CREB5: variants seen among roughly 807,000 people sequenced by gnomAD.
The protein encoded by CREB5 is cAMP responsive element binding protein 5.
A neutral mutation model predicts 57.1 loss-of-function variants in CREB5; 19 were observed. That is an observed-to-expected ratio of 0.33 (90% CI 0.23 to 0.49). The LOEUF (loss-of-function observed/expected upper bound fraction) is 0.49, where lower values mean the gene tolerates loss of function less well. Ranked by LOEUF, CREB5 falls within the 20% of genes least tolerant of loss-of-function variation. CREB5 has a pLI of 0.99. For missense variants in CREB5, 579 were observed against 671.6 expected, an observed-to-expected ratio of 0.86 and a Z score of 1.52; for synonymous variants, 238 against 238.3, an observed-to-expected ratio of 1.00 and a Z score of 0.01.
intron 5 of CREB5, among the ~76,000 whole-genome samples, chr7:28,651,338 G>C (rs1374700085): frequency 1.3e-5 from 2 of 152,202 alleles, no homozygotes; most frequent in Non-Finnish European, 2.9e-5. Context: ...CAAATGGAGA[G>C]AAAGCATTTC....
chr7:28,692,013 C>CAAAA (rs10660459), intron 5 of CREB5, among the ~76,000 whole-genome samples: 102 of 102,834 alleles, frequency 9.9e-4, no homozygotes, highest in African/African-American at 1.5e-3. Flanking sequence ...TACTAAAATA[C>CAAAA]AAAAAAAAAA....
intron 7 of CREB5, among the ~76,000 whole-genome samples, chr7:28,727,276 TG>T (rs1002193045): frequency 6.6e-6 from 1 of 152,116 alleles, no homozygotes; most frequent in African/African-American, 2.4e-5. Flanking sequence ...GGATTCCTTT[TG>T]GGGGTCAGAG....
chr7:28,641,193 G>A (rs1275439036), intron 5 of CREB5, among the ~76,000 whole-genome samples: 2 of 152,100 alleles, frequency 1.3e-5, no homozygotes, highest in Non-Finnish European at 2.9e-5. Flanking sequence ...ATTTGGCCCA[G>A]GTGATTCTCC....
chr7:28,428,419 A>G (rs534011438), intron 1 of CREB5, among the ~76,000 whole-genome samples: 2 of 152,292 alleles, frequency 1.3e-5, no homozygotes, highest in Admixed American at 1.3e-4. Context: ...TGGAAGACCC[A>G]TGAGGAGGCA....
intron 4 of CREB5, among the ~76,000 whole-genome samples, chr7:28,521,261 C>T (rs1254756604): frequency 6.6e-6 from 1 of 152,136 alleles, no homozygotes; most frequent in Non-Finnish European, 1.5e-5. Context: ...TTTCGGAAGG[C>T]CGTGGATTGG....
At chr7:28,725,196 A>G (rs895217767) in intron 7 of CREB5, among the ~76,000 whole-genome samples, 1 of 152,228 alleles carries the variant, frequency 6.6e-6, no homozygotes, top group African/African-American at 2.4e-5. Context: ...GACTGGCAGC[A>G]TTAGAGACTG....
At chr7:28,559,420 T>C (rs772350697) in intron 4 of CREB5, among the ~76,000 whole-genome samples, 4 of 152,206 alleles carry the variant, frequency 2.6e-5, no homozygotes, top group Non-Finnish European at 5.9e-5. Flanking sequence ...GTTTAAGCGA[T>C]TCTCCTGCCT....
At chr7:28,624,462 G>A (rs1336738516) in intron 5 of CREB5, among the ~76,000 whole-genome samples, 1 of 152,100 alleles carries the variant, frequency 6.6e-6, no homozygotes, top group East Asian at 1.9e-4. Context: ...GAAATCCCAA[G>A]TTTGTTTGCA....
At chr7:28,793,889 T>G (rs543813161) in intron 7 of CREB5, among the ~76,000 whole-genome samples, 1 of 152,230 alleles carries the variant, frequency 6.6e-6, no homozygotes, top group African/African-American at 2.4e-5. Context: ...TTTGGGGATG[T>G]GTAGCATTGA....
At chr7:28,544,457 A>G (rs1380668267) in intron 4 of CREB5, among the ~76,000 whole-genome samples, 1 of 152,198 alleles carries the variant, frequency 6.6e-6, no homozygotes, top group Non-Finnish European at 1.5e-5. Flanking sequence ...ATTTCCTAGT[A>G]TGCACATCTT....
At chr7:28,360,902 G>T (rs1055802523) in intron 1 of CREB5, among the ~76,000 whole-genome samples, 5 of 152,042 alleles carry the variant, frequency 3.3e-5, no homozygotes, top group African/African-American at 4.8e-5. Context: ...GGGAAGCTTT[G>T]TTTGACCCCA....
rs1809872230 is a variant in CREB5, at chr7:28,823,053, TG to T, written c.*3775del. 6.6e-6 allele frequency: 1 copy of T among 152,624 alleles called. No individual in the cohort carries two copies. The highest frequency in any genetic ancestry group is 1.5e-5 in the Non-Finnish European group (1 of 68,038). The allele number at this position is 152,624 out of a possible 1,614,324, so 9.5% of individuals were successfully genotyped here. ...CTGATAGAAGGACGTCGACGGTGAA[TG>T]TTCTGGTGGTTGTTGCCTGTTAAGT... is the stretch of plus-strand genomic sequence containing the variant. On this transcript the variant is annotated 3_prime_UTR_variant, in exon 11 of 11. Transcript: ENST00000357727.
At chr7:28,567,803 A>C (rs1795542026) in intron 4 of CREB5, among the ~76,000 whole-genome samples, 1 of 152,200 alleles carries the variant, frequency 6.6e-6, no homozygotes, top group Non-Finnish European at 1.5e-5. Flanking sequence ...AATGAATCAC[A>C]TAGAGCAAGA....
chr7:28,738,795 C>A (rs1443172088), intron 7 of CREB5, among the ~76,000 whole-genome samples: 1 of 152,148 alleles, frequency 6.6e-6, no homozygotes, highest in East Asian at 1.9e-4. Context: ...CTCTTAGTTC[C>A]CAGCTCACTG....
chr7:28,300,836 A>T (rs1250578299), intron 1 of CREB5, among the ~76,000 whole-genome samples: 1 of 152,068 alleles, frequency 6.6e-6, no homozygotes, highest in Non-Finnish European at 1.5e-5. Context: ...TTCAGGGCCA[A>T]CTCCTGAATA....
intron 8 of CREB5, among the ~76,000 whole-genome samples, chr7:28,805,633 G>C (rs1038055644): frequency 4.6e-5 from 7 of 152,124 alleles, no homozygotes; most frequent in Non-Finnish European, 5.9e-5. Context: ...AGCAACTCTC[G>C]AAGCTATTCA....
At chr7:28,655,563 T>C (rs1047432223) in intron 5 of CREB5, among the ~76,000 whole-genome samples, 4 of 152,148 alleles carry the variant, frequency 2.6e-5, no homozygotes, top group African/African-American at 9.7e-5. Context: ...TGCTGTGAGC[T>C]GCGTTCATGC....
chr7:28,551,003 C>T (rs569365207), intron 4 of CREB5, among the ~76,000 whole-genome samples: 1 of 152,222 alleles, frequency 6.6e-6, no homozygotes, highest in Middle Eastern at 3.4e-3. Context: ...TTTCTGAATA[C>T]TTGATGTGGA....
chr7:28,685,628 C>T (rs969089085), intron 5 of CREB5, among the ~76,000 whole-genome samples: 1 of 149,900 alleles, frequency 6.7e-6, no homozygotes, highest in Non-Finnish European at 1.5e-5. Flanking sequence ...CTACACGTGT[C>T]TTGATGTTAT....
Sources: allele counts gnomAD v4.1 joint callset (sites outside exome capture counted in the v4.1 genomes callset), GRCh38; gene constraint gnomAD v4.1.1; transcripts MANE v1.5; gene names NCBI Gene and HGNC (gene_info 2026-07-23, HGNC 2026-07-21).